The following GRIA1 variants were observed in gnomAD, a reference collection of about 807,000 sequenced individuals.
The protein encoded by GRIA1 is glutamate ionotropic receptor AMPA type subunit 1.
A neutral mutation model predicts 99.2 loss-of-function variants in GRIA1; 31 were observed. The observed-to-expected ratio is 0.31, with a 90% confidence interval of 0.23 to 0.42. The LOEUF (loss-of-function observed/expected upper bound fraction) is 0.42, where lower values mean the gene tolerates loss of function less well. GRIA1 is among the 10% of genes least tolerant of loss of function. The pLI is 1.00. For missense variants in GRIA1, 782 were observed against 1,157.5 expected, an observed-to-expected ratio of 0.68 and a Z score of 4.71; for synonymous variants, 438 against 432.4, an observed-to-expected ratio of 1.01 and a Z score of -0.16.
chr5:153,725,771 A>T (rs1760476172), intron 11 of GRIA1, among the ~76,000 whole-genome samples: 2 of 129,276 alleles, frequency 1.5e-5, no homozygotes, highest in Non-Finnish European at 3.2e-5. Flanking sequence ...AGAGACTTAG[A>T]CTCCCACACA....
At chr5:153,622,146 C>T (rs1767111302) in intron 2 of GRIA1, among the ~76,000 whole-genome samples, 1 of 152,196 alleles carries the variant, frequency 6.6e-6, no homozygotes, top group Non-Finnish European at 1.5e-5. Context: ...CATCCCAGAC[C>T]TACTGAATCA....
At chr5:153,544,752 T>C (rs963914954) in intron 2 of GRIA1, among the ~76,000 whole-genome samples, 22 of 152,212 alleles carry the variant, frequency 1.4e-4, no homozygotes, top group African/African-American at 5.1e-4. Flanking sequence ...GCTAGTAAGA[T>C]GGAAGAGACA....
chr5:153,738,099 C>A (rs896374460), intron 11 of GRIA1, among the ~76,000 whole-genome samples: 1 of 152,206 alleles, frequency 6.6e-6, no homozygotes, highest in Non-Finnish European at 1.5e-5. Flanking sequence ...AGACACAGAC[C>A]AAGAACCCAT....
At chr5:153,748,899 C>T (rs948385698) in intron 11 of GRIA1, among the ~76,000 whole-genome samples, 1 of 152,098 alleles carries the variant, frequency 6.6e-6, no homozygotes, top group Non-Finnish European at 1.5e-5. Flanking sequence ...TAAATATATA[C>T]ATTTAAAAAA....
intron 2 of GRIA1, among the ~76,000 whole-genome samples, chr5:153,643,141 G>T (rs1333523745): frequency 6.6e-6 from 1 of 152,164 alleles, no homozygotes; most frequent in African/African-American, 2.4e-5. Context: ...TTGAAAAAGT[G>T]CACTGGGGGT....
chr5:153,692,647 C>T (rs768730215), intron 8 of GRIA1, among the ~76,000 whole-genome samples: 1 of 152,144 alleles, frequency 6.6e-6, no homozygotes, highest in African/African-American at 2.4e-5. Flanking sequence ...AGCTTGTCAA[C>T]CCCTGGTCTG....
intron 1 of GRIA1, 26 bp from the exon 2 acceptor site, chr5:153,493,902 C>G (rs1300389586): frequency 1.2e-6 from 2 of 1,613,012 alleles, no homozygotes; most frequent in African/African-American, 2.7e-5. Flanking sequence ...AGCCCATATA[C>G]CATGTTGCAT....
At chr5:153,795,966 G>A (rs767416697) in intron 14 of GRIA1, among the ~76,000 whole-genome samples, 1 of 150,674 alleles carries the variant, frequency 6.6e-6, no homozygotes, top group Non-Finnish European at 1.5e-5. Flanking sequence ...TACCCAAAAT[G>A]ATGGTCTGGG....
Position 153,490,751 on chromosome 5 carries a change from G to A in GRIA1, c.-138G>A, listed in dbSNP as rs981690147. 1 of 749,064 alleles carries A rather than the reference G, an allele frequency of 1.3e-6. No homozygotes were observed. The highest frequency in any genetic ancestry group is 2.4e-6 in the Non-Finnish European group (1 of 411,642). 46.4% of individuals were successfully genotyped at this position (749,064 alleles called of 1,614,324 possible). A position where few individuals can be genotyped will look rare whatever the true frequency, so the allele number is the denominator to read the frequency against. The stretch of plus-strand genomic sequence containing the variant: ...GGGAAACAGACAAACCTCACGAAAG[G>A]AAGGAAGCAAGCAAGCAAGGAAGGA... On this transcript the variant is annotated 5_prime_UTR_variant, in exon 1 of 16. Coordinates refer to ENST00000285900, the MANE Select transcript of GRIA1 (RefSeq NM_000827.4).
chr5:153,785,220 G>T (rs1311058540), intron 13 of GRIA1, among the ~76,000 whole-genome samples: 1 of 152,106 alleles, frequency 6.6e-6, no homozygotes, highest in African/African-American at 2.4e-5. Context: ...AGAGTTAGAA[G>T]GACCATGCTC....
At position 153,646,408 on chromosome 5, in the gene GRIA1, G is replaced by A. The variant is rs550317293; in HGVS notation, c.221-520G>A. Among the ~76,000 whole-genome samples, 22 of 152,276 alleles carry A rather than the reference G, an allele frequency of 1.4e-4. No homozygotes were observed. In the South Asian group the frequency reaches 4.6e-3, roughly 32 times the overall value. On this transcript the variant is annotated intron_variant, in intron 2 of 15. Transcript: ENST00000285900. The stretch of plus-strand genomic sequence containing the variant: ...TGCCTTTAATTGATAGACAATGTGA[G>A]GGGAAGATCGTTAGATTAAGAGTCA...
chr5:153,678,560 C>T (rs556863663), intron 7 of GRIA1, among the ~76,000 whole-genome samples: 11 of 152,254 alleles, frequency 7.2e-5, no homozygotes, highest in South Asian at 6.2e-4. Context: ...ACAGTGCCTG[C>T]GCCTCCCTTT....
intron 2 of GRIA1, among the ~76,000 whole-genome samples, chr5:153,576,547 C>T (rs951755861): frequency 5.9e-5 from 9 of 152,156 alleles, no homozygotes; most frequent in African/African-American, 1.2e-4. Flanking sequence ...TGTTTCCCTG[C>T]GGAGGAGTGG....
intron 8 of GRIA1, among the ~76,000 whole-genome samples, chr5:153,696,627 C>A (rs1282999676): frequency 6.6e-6 from 1 of 152,186 alleles, no homozygotes; most frequent in African/African-American, 2.4e-5. Flanking sequence ...GTGAAGGTGA[C>A]ATTTCAGCTG....
At chr5:153,531,266 A>G (rs1465276709) in intron 2 of GRIA1, among the ~76,000 whole-genome samples, 1 of 152,090 alleles carries the variant, frequency 6.6e-6, no homozygotes, top group Non-Finnish European at 1.5e-5. Flanking sequence ...GTGCTAGGAG[A>G]GGTGGTTGTA....
At chr5:153,682,745 C>T (rs948089059) in intron 7 of GRIA1, among the ~76,000 whole-genome samples, 3 of 152,194 alleles carry the variant, frequency 2.0e-5, no homozygotes, top group African/African-American at 7.2e-5. Context: ...CTCTCTCCAC[C>T]TCTGCAAGAC....
At chr5:153,624,097 TC>T (rs1259008136) in intron 2 of GRIA1, among the ~76,000 whole-genome samples, 1 of 152,184 alleles carries the variant, frequency 6.6e-6, no homozygotes, top group East Asian at 1.9e-4. Context: ...TCTTTCACTT[TC>T]CCCAGCTCAC....
intron 11 of GRIA1, among the ~76,000 whole-genome samples, chr5:153,707,611 T>C (rs1441445586): frequency 2.6e-5 from 4 of 152,164 alleles, no homozygotes; most frequent in Non-Finnish European, 5.9e-5. Context: ...AAGTGCATAA[T>C]ATCAAGGTCT....
At chr5:153,725,069 C>T (rs1581543557) in intron 11 of GRIA1, among the ~76,000 whole-genome samples, 2 of 152,188 alleles carry the variant, frequency 1.3e-5, no homozygotes, top group East Asian at 3.8e-4. Flanking sequence ...CTCTACAAGC[C>T]AGAAGCGACT....
Sources: allele counts gnomAD v4.1 joint callset (sites outside exome capture counted in the v4.1 genomes callset), GRCh38; gene constraint gnomAD v4.1.1; transcripts MANE v1.5; gene names NCBI Gene and HGNC (gene_info 2026-07-23, HGNC 2026-07-21).